Variants in LRBA observed in about 807,000 individuals in gnomAD.
The protein encoded by LRBA is LPS responsive beige-like anchor protein.
A neutral mutation model predicts 330.0 loss-of-function variants in LRBA; 176 were observed. The ratio of observed to expected loss-of-function variants is 0.53; its 90% CI spans 0.47 to 0.60. LRBA has a LOEUF of 0.60. Ranked by LOEUF, LRBA falls within the 20% of genes least tolerant of loss-of-function variation. LRBA has a pLI of 0.00. For synonymous variants in LRBA, 1,230 were observed against 1,193.0 expected, an observed-to-expected ratio of 1.03 and a Z score of -0.64; for missense variants, 3,259 against 3,444.8, an observed-to-expected ratio of 0.95 and a Z score of 1.35.
chr4:150,395,398 A>G (rs1450881210), intron 47 of LRBA, among the ~76,000 whole-genome samples: 1 of 151,972 alleles, frequency 6.6e-6, no homozygotes, highest in Non-Finnish European at 1.5e-5. Flanking sequence ...TATGACTCTG[A>G]TATGTCTCTA....
chr4:150,567,158 A>T (rs951639730), intron 40 of LRBA, among the ~76,000 whole-genome samples: 10 of 152,134 alleles, frequency 6.6e-5, no homozygotes, highest in Non-Finnish European at 1.5e-4. Flanking sequence ...TTTTATTAAA[A>T]CTTACCTAAA....
At chr4:150,505,064 A>T (rs1022800876) in intron 40 of LRBA, among the ~76,000 whole-genome samples, 1 of 152,234 alleles carries the variant, frequency 6.6e-6, no homozygotes, top group East Asian at 1.9e-4. Flanking sequence ...AGGAGCACCT[A>T]GATTCATAAA....
chr4:150,285,096 T>C (rs1033578750), intron 54 of LRBA, among the ~76,000 whole-genome samples: 1 of 152,200 alleles, frequency 6.6e-6, no homozygotes, highest in Non-Finnish European at 1.5e-5. Context: ...TTTATAAACA[T>C]AATCCTTTAA....
chr4:150,610,766 A>G (rs1775176597), intron 37 of LRBA, among the ~76,000 whole-genome samples: 1 of 152,160 alleles, frequency 6.6e-6, no homozygotes, highest in South Asian at 2.1e-4. Flanking sequence ...TCTGGACTTT[A>G]ATAAAATAAA....
chr4:150,787,355 T>C (rs1334296045), intron 34 of LRBA, among the ~76,000 whole-genome samples: 2 of 152,230 alleles, frequency 1.3e-5, no homozygotes, highest in Non-Finnish European at 2.9e-5. Context: ...GAAAGTAGTG[T>C]TAGAATTATA....
At chr4:150,597,048 C>G in intron 38 of LRBA, 1 of 1,113,262 alleles carries the variant, frequency 9.0e-7, no homozygotes, top group Non-Finnish European at 1.3e-6. Flanking sequence ...TGACAATAAT[C>G]ATAAAATTAC....
intron 37 of LRBA, among the ~76,000 whole-genome samples, chr4:150,611,792 C>A (rs893370314): frequency 6.6e-6 from 1 of 152,196 alleles, no homozygotes. Context: ...TTAGTAACCA[C>A]ATCACTTGCC....
chr4:150,555,722 G>A (rs1416126101), intron 40 of LRBA, among the ~76,000 whole-genome samples: 3 of 149,494 alleles, frequency 2.0e-5, no homozygotes, highest in Admixed American at 6.7e-5. Context: ...CTGCACTCCA[G>A]CCTGGGTAAC....
At position 150,896,387 on chromosome 4, in the gene LRBA, A is replaced by G. The variant is rs1364488522; in HGVS notation, c.2067+7T>C. Reference sequence around the variant, plus strand: ...TAAAATTTCAAAATATAAAATTCATATATTACCTCATGCATAGTCAGTAGG... The same window carrying G: ...TAAAATTTCAAAATATAAAATTCATGTATTACCTCATGCATAGTCAGTAGG... On this transcript the variant is annotated splice_region_variant and intron_variant, in intron 16 of 56. Transcript: ENST00000651943. 7.1e-7 allele frequency: 1 copy of G among 1,407,408 alleles called. No homozygotes were observed. The highest frequency in any genetic ancestry group is 2.4e-5 in the East Asian group (1 of 42,430). The allele number at this position is 1,407,408 out of a possible 1,614,324, so 87.2% of individuals were successfully genotyped here.
At chr4:150,276,462 A>C (rs559972757) in intron 56 of LRBA, among the ~76,000 whole-genome samples, 2 of 152,358 alleles carry the variant, frequency 1.3e-5, no homozygotes, top group East Asian at 3.9e-4. Context: ...TCTGCACAGC[A>C]AAAGAAACTA....
intron 34 of LRBA, among the ~76,000 whole-genome samples, chr4:150,762,169 G>T (rs1396726658): frequency 2.6e-5 from 4 of 151,846 alleles, no homozygotes; most frequent in Non-Finnish European, 5.9e-5. Context: ...TAGACATTTT[G>T]GTTTTGGCTT....
chr4:150,836,808 G>T (rs1249974642), intron 28 of LRBA, among the ~76,000 whole-genome samples: 1 of 152,064 alleles, frequency 6.6e-6, no homozygotes, highest in Admixed American at 6.5e-5. Flanking sequence ...GTTCTACTCT[G>T]ATCTTAGTTA....
chr4:150,946,648 G>A (rs531117646), intron 2 of LRBA, among the ~76,000 whole-genome samples: 55 of 152,026 alleles, frequency 3.6e-4, no homozygotes, highest in Non-Finnish European at 7.2e-4. Context: ...AAAACCAGAA[G>A]TCTCAAATCA....
At chr4:150,292,407 C>T (rs564527771) in intron 53 of LRBA, among the ~76,000 whole-genome samples, 2 of 152,274 alleles carry the variant, frequency 1.3e-5, no homozygotes, top group African/African-American at 2.4e-5. Context: ...TGCAGTATAA[C>T]GTTTTCACTT....
chr4:150,536,224 G>A (rs769619672), intron 40 of LRBA, among the ~76,000 whole-genome samples: 22 of 151,978 alleles, frequency 1.4e-4, no homozygotes, highest in Admixed American at 5.9e-4. Context: ...ATTCCACTTT[G>A]GGCAAAAAAG....
At chr4:150,759,497 G>A (rs1734773137) in intron 35 of LRBA, among the ~76,000 whole-genome samples, 2 of 152,002 alleles carry the variant, frequency 1.3e-5, no homozygotes, top group Non-Finnish European at 2.9e-5. Context: ...CTGACTCCCT[G>A]TGTGCTTCAA....
At chr4:150,578,593 C>T (rs1770830633) in intron 40 of LRBA, among the ~76,000 whole-genome samples, 1 of 152,100 alleles carries the variant, frequency 6.6e-6, no homozygotes, top group South Asian at 2.1e-4. Flanking sequence ...TGCTATAAAA[C>T]TAGTACCGTA....
At chr4:150,505,899 C>T (rs536374817) in intron 40 of LRBA, among the ~76,000 whole-genome samples, 9 of 152,112 alleles carry the variant, frequency 5.9e-5, no homozygotes, top group Non-Finnish European at 1.3e-4. Flanking sequence ...GGGGATATCA[C>T]CACCGATCCC....
chr4:150,764,313 T>C (rs1005853801), intron 34 of LRBA, among the ~76,000 whole-genome samples: 1 of 151,942 alleles, frequency 6.6e-6, no homozygotes, highest in African/African-American at 2.4e-5. Context: ...TCCTGGCTAA[T>C]GCAGTAAGAC....
Sources: gnomAD v4.1 joint callset for allele counts (sites outside exome capture counted in the v4.1 genomes callset) on GRCh38, gnomAD v4.1.1 for gene constraint, MANE v1.5 for transcripts, NCBI Gene and HGNC (gene_info 2026-07-23, HGNC 2026-07-21) for gene names.